Variants in FMN1 observed in about 807,000 individuals in gnomAD.
FMN1 encodes formin-1.
Under a neutral mutation model 132.4 loss-of-function variants are expected in FMN1, and 110 were observed. The ratio of observed to expected loss-of-function variants is 0.83; its 90% CI spans 0.71 to 0.97. FMN1 has a LOEUF of 0.97. Ranked by LOEUF, FMN1 falls within the 50% of genes least tolerant of loss-of-function variation. The pLI, the probability that FMN1 is intolerant of heterozygous loss-of-function variation, is 0.00. For missense variants in FMN1, 1,792 were observed against 1,705.3 expected (o/e 1.05, Z -0.90); for synonymous variants, 722 against 651.7 (o/e 1.11, Z -1.64).
chr15:33,128,081 G>GAA (rs531791073), intron 4 of FMN1, among the ~76,000 whole-genome samples: 79 of 152,240 alleles, frequency 5.2e-4, no homozygotes, highest in African/African-American at 1.9e-3. Context: ...GATGGGAGAA[G>GAA]AAAACCAAGA....
chr15:33,091,883 A>G (rs1293131951), intron 4 of FMN1, among the ~76,000 whole-genome samples: 2 of 152,236 alleles, frequency 1.3e-5, no homozygotes, highest in African/African-American at 4.8e-5. Flanking sequence ...TTCCGACACA[A>G]ATAGATTTGG....
intron 4 of FMN1, among the ~76,000 whole-genome samples, chr15:33,096,411 G>A (rs1228208287): frequency 6.6e-6 from 1 of 152,082 alleles, no homozygotes; most frequent in Non-Finnish European, 1.5e-5. Context: ...TTAAAGTGAT[G>A]AACTCTTCAT....
chr15:33,143,493 T>A (rs1161182140), intron 4 of FMN1, among the ~76,000 whole-genome samples: 2 of 152,216 alleles, frequency 1.3e-5, no homozygotes, highest in Non-Finnish European at 1.5e-5. Context: ...ATACCATTGC[T>A]ATCTTTGAGG....
intron 17 of FMN1, among the ~76,000 whole-genome samples, chr15:32,840,744 G>C (rs1309451873): frequency 6.6e-6 from 1 of 152,186 alleles, no homozygotes; most frequent in Non-Finnish European, 1.5e-5. Context: ...AAACATGAGA[G>C]GAAGCTGTGC....
At position 32,782,177 on chromosome 15, in the gene FMN1, A is replaced by G. The variant is rs997183681; in HGVS notation, c.4131-5258T>C. Among the ~76,000 whole-genome samples the G allele has an allele frequency of 3.9e-5, 6 of 152,332 alleles. No homozygotes were observed. The East Asian group carries it at 1.2e-3, about 29-fold the overall frequency. Reference sequence around the variant, plus strand: ...GTAGGTGTCTTATTTTTCTTAAACCATTGGAATGACTTAGGGACAACGAGC... The same window carrying G: ...GTAGGTGTCTTATTTTTCTTAAACCGTTGGAATGACTTAGGGACAACGAGC... On this transcript the variant is annotated intron_variant, in intron 19 of 20. Transcript: ENST00000616417.
chr15:32,917,529 T>TG (rs1163749345), intron 10 of FMN1, among the ~76,000 whole-genome samples: 3 of 152,228 alleles, frequency 2.0e-5, no homozygotes, highest in African/African-American at 7.2e-5. Context: ...CAGCTTCCTC[T>TG]GTACCAGGCA....
At chr15:32,987,080 T>A (rs940420415) in intron 7 of FMN1, among the ~76,000 whole-genome samples, 13 of 152,152 alleles carry the variant, frequency 8.5e-5, no homozygotes, top group African/African-American at 3.1e-4. Flanking sequence ...AGGCAATTTT[T>A]CTATTTTAAA....
intron 5 of FMN1, among the ~76,000 whole-genome samples, chr15:33,080,339 G>C (rs1275789387): frequency 1.3e-5 from 2 of 152,186 alleles, no homozygotes. Context: ...AAATCTGCTG[G>C]TGTTCCCGTA....
intron 12 of FMN1, among the ~76,000 whole-genome samples, chr15:32,906,758 G>A (rs1436187420): frequency 2.0e-5 from 3 of 152,150 alleles, no homozygotes; most frequent in African/African-American, 7.2e-5. Flanking sequence ...ATAAACTATA[G>A]GATCAGTTGA....
chr15:32,873,383 G>A (rs2059561719), intron 16 of FMN1, among the ~76,000 whole-genome samples: 1 of 152,178 alleles, frequency 6.6e-6, no homozygotes, highest in Non-Finnish European at 1.5e-5. Context: ...CGCCGTTAGT[G>A]GTATTAACGG....
At chr15:33,164,226 T>C (rs563832783) in intron 3 of FMN1, among the ~76,000 whole-genome samples, 1 of 152,364 alleles carries the variant, frequency 6.6e-6, no homozygotes, top group Admixed American at 6.5e-5. Flanking sequence ...ATTTATGATT[T>C]TCTTTGCATT....
At chr15:32,776,172 C>G (rs113490268) in intron 20 of FMN1, among the ~76,000 whole-genome samples, 2 of 152,366 alleles carry the variant, frequency 1.3e-5, no homozygotes, top group African/African-American at 4.8e-5. Flanking sequence ...GAGCTGTGAT[C>G]TGAACCCAGG....
chr15:32,779,051 G>C (rs1341094607), intron 19 of FMN1, among the ~76,000 whole-genome samples: 1 of 152,262 alleles, frequency 6.6e-6, no homozygotes, highest in South Asian at 2.1e-4. Context: ...CTAAGTGAAA[G>C]AAGCCAATCA....
chr15:32,898,708 C>T (rs1029146659), intron 15 of FMN1, 126 bp downstream of exon 15: 2 of 617,378 alleles, frequency 3.2e-6, no homozygotes, highest in African/African-American at 3.7e-5. Context: ...ATCTGTAAAC[C>T]ACGCTGGAGA....
chr15:32,781,449 AAATT>A (rs2056661105), intron 19 of FMN1, among the ~76,000 whole-genome samples: 1 of 152,220 alleles, frequency 6.6e-6, no homozygotes, highest in South Asian at 2.1e-4. Context: ...ACTGGACAAT[AAATT>A]AATTCTACTG....
intron 6 of FMN1, among the ~76,000 whole-genome samples, chr15:33,018,070 A>C (rs1482909136): frequency 1.6e-4 from 1 of 6,448 alleles, no homozygotes; most frequent in African/African-American, 3.9e-4. Flanking sequence ...CTCTCAAGAA[A>C]AAAAAAAAAA....
chr15:32,850,974 C>G (rs944038530), intron 17 of FMN1, among the ~76,000 whole-genome samples: 1 of 151,976 alleles, frequency 6.6e-6, no homozygotes, highest in Non-Finnish European at 1.5e-5. Flanking sequence ...AGGAGAATGG[C>G]GTGAACCCGG....
intron 9 of FMN1, 43 bp from the exon 10 acceptor site, chr15:32,926,304 C>T (rs1323199162): frequency 1.8e-6 from 2 of 1,142,402 alleles, no homozygotes; most frequent in Non-Finnish European, 2.5e-6. Context: ...GCTCAAATGA[C>T]CATGCAGTCT....
chr15:32,943,971 T>C (rs2061451436), intron 9 of FMN1, among the ~76,000 whole-genome samples: 2 of 152,136 alleles, frequency 1.3e-5, no homozygotes, highest in African/African-American at 4.8e-5. Flanking sequence ...AAAAAAATCA[T>C]GGGGGAACCA....
Sources: allele counts gnomAD v4.1 joint callset (sites outside exome capture counted in the v4.1 genomes callset), GRCh38; gene constraint gnomAD v4.1.1; transcripts MANE v1.5; gene names NCBI Gene and HGNC (gene_info 2026-07-23, HGNC 2026-07-21).